CPNE5: variants seen among roughly 807,000 people sequenced by gnomAD.
CPNE5 encodes the protein copine-5.
Under a neutral mutation model 81.1 loss-of-function variants are expected in CPNE5, and 42 were observed. The ratio of observed to expected loss-of-function variants is 0.52; its 90% CI spans 0.40 to 0.67. The LOEUF (loss-of-function observed/expected upper bound fraction) is 0.67. CPNE5 is among the 30% of genes least tolerant of loss of function. The pLI is 0.00. For missense variants in CPNE5, 612 were observed against 815.5 expected, an observed-to-expected ratio of 0.75 and a Z score of 3.04; for synonymous variants, 313 against 321.5, an observed-to-expected ratio of 0.97 and a Z score of 0.28.
intron 8 of CPNE5, among the ~76,000 whole-genome samples, chr6:36,789,498 A>G (rs180838040): frequency 1.2e-3 from 179 of 152,288 alleles, no homozygotes; most frequent in African/African-American, 3.9e-3. Context: ...TTGGGGAAAC[A>G]CTGAATTTAG....
chr6:36,795,800 C>T (rs1156381706), intron 6 of CPNE5, among the ~76,000 whole-genome samples: 1 of 152,208 alleles, frequency 6.6e-6, no homozygotes, highest in African/African-American at 2.4e-5. Flanking sequence ...CACTGACCCT[C>T]ATGCCTGGCC....
At chr6:36,773,396 G>A (rs548600085) in intron 10 of CPNE5, among the ~76,000 whole-genome samples, 13 of 152,336 alleles carry the variant, frequency 8.5e-5, no homozygotes, top group South Asian at 4.1e-4. Flanking sequence ...CTCTCTCGGC[G>A]CTTGCTACAA....
chr6:36,796,732 A>T (rs1036157296), intron 6 of CPNE5, among the ~76,000 whole-genome samples: 1 of 152,192 alleles, frequency 6.6e-6, no homozygotes, highest in African/African-American at 2.4e-5. Flanking sequence ...CCCCCAAAAC[A>T]GGGGTTTTCC....
chr6:36,815,940 T>G (rs1184802872), intron 3 of CPNE5, among the ~76,000 whole-genome samples: 1 of 152,216 alleles, frequency 6.6e-6, no homozygotes, highest in Non-Finnish European at 1.5e-5. Flanking sequence ...CCAAGACAGC[T>G]GCCTGGTGAG....
At position 36,741,288 on chromosome 6, in the gene CPNE5, G is replaced by C. The variant is rs1065258; in HGVS notation, c.*980C>G. On this transcript the variant is annotated 3_prime_UTR_variant, in exon 21 of 21. Coordinates refer to ENST00000244751, the MANE Select transcript of CPNE5 (RefSeq NM_020939.2). ...GGGGCCATCTGGTCAACCCTCTTGT[G>C]GTACAGACATGGAAACTGAGGCCCA... 77,793 of 152,088 alleles carry C rather than the reference G, an allele frequency of 0.51. 20,433 individuals are homozygous for C. The highest frequency in any genetic ancestry group is 0.61 in the African/African-American group (25,182 of 41,444). 9.4% of individuals were successfully genotyped at this position (152,088 alleles called of 1,614,324 possible). A position where few individuals can be genotyped will look rare whatever the true frequency, so the allele number is the denominator to read the frequency against.
intron 1 of CPNE5, among the ~76,000 whole-genome samples, chr6:36,831,545 G>T (rs1275809953): frequency 6.8e-6 from 1 of 147,682 alleles, no homozygotes; most frequent in Non-Finnish European, 1.5e-5. Context: ...ATAGAAACGG[G>T]GTTTCACCAT....
intron 3 of CPNE5, among the ~76,000 whole-genome samples, chr6:36,803,437 G>C (rs1356411805): frequency 6.6e-6 from 1 of 152,136 alleles, no homozygotes; most frequent in Non-Finnish European, 1.5e-5. Flanking sequence ...TAGATTGTGA[G>C]CTTCTCAAGC....
chr6:36,765,839 G>C (rs1053831477), intron 10 of CPNE5, among the ~76,000 whole-genome samples: 3 of 151,288 alleles, frequency 2.0e-5, no homozygotes, highest in African/African-American at 7.3e-5. Context: ...AGCCAGCCCT[G>C]CACGTCAGGG....
At chr6:36,784,141 C>A (rs568691161) in intron 8 of CPNE5, among the ~76,000 whole-genome samples, 3 of 152,312 alleles carry the variant, frequency 2.0e-5, no homozygotes, top group African/African-American at 7.2e-5. Flanking sequence ...TCCCTCTAAC[C>A]CTGATGGCAG....
intron 2 of CPNE5, 82 bp from the exon 3 acceptor site, chr6:36,822,242 G>T: frequency 8.0e-7 from 1 of 1,247,724 alleles, no homozygotes; most frequent in Non-Finnish European, 1.1e-6. Flanking sequence ...TCCTGGCTGG[G>T]CAGGCGCCTC....
intron 8 of CPNE5, among the ~76,000 whole-genome samples, chr6:36,782,870 A>ACACACAC (rs1554201805): frequency 2.5e-5 from 3 of 119,284 alleles, no homozygotes; most frequent in East Asian, 2.4e-4. Flanking sequence ...CACACACACA[A>ACACACAC]AACGGCACAA....
chr6:36,793,306 G>A (rs987092639), intron 7 of CPNE5, among the ~76,000 whole-genome samples: 2 of 152,248 alleles, frequency 1.3e-5, no homozygotes, highest in African/African-American at 2.4e-5. Flanking sequence ...TGAGCAGAGC[G>A]GGGGCCACAT....
At chr6:36,747,237 C>A (rs1289589509) in intron 15 of CPNE5, among the ~76,000 whole-genome samples, 1 of 137,114 alleles carries the variant, frequency 7.3e-6, no homozygotes, top group Non-Finnish European at 1.6e-5. Flanking sequence ...TCCTATCCTT[C>A]TTCCTGGCTT....
chr6:36,793,753 A>C (rs1582909969), intron 7 of CPNE5, among the ~76,000 whole-genome samples: 1 of 151,936 alleles, frequency 6.6e-6, no homozygotes, highest in African/African-American at 2.4e-5. Flanking sequence ...CCCCTTCCCC[A>C]CCTGCAGCTG....
intron 3 of CPNE5, among the ~76,000 whole-genome samples, chr6:36,808,569 C>T (rs1042670136): frequency 6.6e-6 from 1 of 152,102 alleles, no homozygotes; most frequent in Admixed American, 6.5e-5. Context: ...CCCTCCCAGG[C>T]CTGCCTTGTG....
At chr6:36,756,862 A>T (rs2150396098) in intron 12 of CPNE5, among the ~76,000 whole-genome samples, 1 of 152,298 alleles carries the variant, frequency 6.6e-6, no homozygotes, top group East Asian at 1.9e-4. Flanking sequence ...TGTGTCAGAT[A>T]AATCATGGGG....
chr6:36,770,782 C>G (rs1348396991), intron 10 of CPNE5, among the ~76,000 whole-genome samples: 1 of 152,158 alleles, frequency 6.6e-6, no homozygotes, highest in Non-Finnish European at 1.5e-5. Context: ...CCAAGTTTAC[C>G]TCTCTTTCCC....
rs1428135192 is a variant in CPNE5 at position 36,745,480 on chromosome 6, G to A, written c.1236C>T (p.Ile412=). ...GNQENPSCCG[I]DGILEAYHRS... Reference sequence around the variant, plus strand: ...GGTGGTAGGCCTCCAGGATGCCGTCGATGCCACAGCATGAGGGGTTCTCCT... The same window carrying A: ...GGTGGTAGGCCTCCAGGATGCCGTCAATGCCACAGCATGAGGGGTTCTCCT... Residue 412 remains isoleucine (I), a synonymous_variant, in exon 17 of 21, where the codon ATC becomes ATT. Coordinates refer to ENST00000244751, the MANE Select transcript of CPNE5 (RefSeq NM_020939.2). 8.8e-6 allele frequency: 14 copies of A among 1,599,780 alleles called. No homozygotes were observed. Among genetic ancestry groups the A allele is most frequent in the Admixed American group, 1.7e-5 (1 of 57,614 alleles).
chr6:36,762,304 GCACACACA>G (rs60481458), intron 12 of CPNE5, among the ~76,000 whole-genome samples: 5 of 146,518 alleles, frequency 3.4e-5, no homozygotes, highest in Admixed American at 2.7e-4. Context: ...ACACATACAT[GCACACACA>G]CACACACACG....
Sources: gnomAD v4.1 joint callset for allele counts (sites outside exome capture counted in the v4.1 genomes callset) on GRCh38, gnomAD v4.1.1 for gene constraint, MANE v1.5 for transcripts, NCBI Gene and HGNC (gene_info 2026-07-23, HGNC 2026-07-21) for gene names.